The following GCN1 variants were observed in gnomAD, a reference collection of about 807,000 sequenced individuals.
GCN1 encodes GCN1 activator of EIF2AK4.
A neutral mutation model predicts 288.4 loss-of-function variants in GCN1; 90 were observed. The ratio of observed to expected loss-of-function variants is 0.31; its 90% CI spans 0.26 to 0.37. GCN1 has a LOEUF of 0.37. Ranked by LOEUF, GCN1 falls within the 10% of genes least tolerant of loss-of-function variation. The pLI is 1.00. For missense variants in GCN1, 2,586 were observed against 3,419.9 expected, an observed-to-expected ratio of 0.76 and a Z score of 6.08; for synonymous variants, 1,386 against 1,420.2, an observed-to-expected ratio of 0.98 and a Z score of 0.54.
In GCN1 at chr12:120,165,206, T is replaced by G. The variant is rs141773677; in HGVS notation, c.1613-485A>C. ...GGACGACAGGCACCCGCTAATTTTT[T>G]TATATTTTTTAGTAGAGACTGGGTT... On this transcript the variant is annotated intron_variant, in intron 16 of 57. Transcript: ENST00000300648. Among the ~76,000 whole-genome samples, 1,309 of 151,482 alleles carry G rather than the reference T, an allele frequency of 8.6e-3. 14 individuals are homozygous for G. Among genetic ancestry groups the G allele is most frequent in the African/African-American group, 0.03 (1,231 of 41,300 alleles).
Position 120,145,050 on chromosome 12 carries a change from T to C in GCN1, c.5028A>G (p.Val1676=), listed in dbSNP as rs1877320334. ...LLDPVPEVRT[V]SAKALGAMVK... ...CCATGGCCCCAAGGGCCTTTGCAGA[T>C]ACGGTCCGCACCTGTCAGGTAACCG... The change falls in exon 40 of 58, where the codon GTA becomes GTG. Residue 1676 remains valine, a synonymous_variant. Coordinates refer to ENST00000300648, the MANE Select transcript of GCN1 (RefSeq NM_006836.2). 6.2e-7 allele frequency: 1 copy of C among 1,613,988 alleles called. No individual in the cohort carries two copies. Among genetic ancestry groups the C allele is most frequent in the African/African-American group, 1.3e-5 (1 of 75,062 alleles).
At position 120,134,307 on chromosome 12, in the gene GCN1, A is replaced by C. The variant is rs370910278; in HGVS notation, c.7301T>G (p.Met2434Arg). The C allele has an allele frequency of 6.2e-7, 1 of 1,613,138 alleles. No individual in the cohort carries two copies. Among genetic ancestry groups the C allele is most frequent in the East Asian group, 2.2e-5 (1 of 44,890 alleles). ...RKNIVSLLLS[M>R]LGHDEDNTRI... Reference sequence around the variant, plus strand: ...CAGCCGTACCTCATCGTGTCCCAGCATGCTCAGCAGGAGTGAGACGATGTT... The same window carrying C: ...CAGCCGTACCTCATCGTGTCCCAGCCTGCTCAGCAGGAGTGAGACGATGTT... Residue 2434 changes from methionine (M) to arginine (R), a missense_variant, in exon 53 of 58, where the codon ATG (methionine) becomes AGG (arginine). Met to Arg is a moderately conservative substitution (Grantham distance 91). This residue lies in a region of GCN1 where 355 missense variants were observed against 431.1 expected (regional missense o/e 0.82). Coordinates refer to ENST00000300648, the MANE Select transcript of GCN1 (RefSeq NM_006836.2). This position sits in a 1 kb window ranked among gnomAD's most constrained non-coding sequence, Gnocchi z 5.0.
intron 5 of GCN1, among the ~76,000 whole-genome samples, chr12:120,182,529 C>G (rs1452568399): frequency 6.6e-6 from 1 of 152,182 alleles, no homozygotes; most frequent in African/African-American, 2.4e-5. Context: ...TCAACGAAAC[C>G]TGGCTTTGCG....
rs763825699 is a variant in GCN1 at position 120,137,695 on chromosome 12, A to C, written c.6513T>G (p.Ala2171=). ...RSPEVGMRQA[A]AIILNIYCSR... ...AACAGTAGATGTTGAGGATGATGGCAGCAGCTTGCCTCATGCCCACCTCAG... is the reference window on the plus strand; with the variant it reads ...AACAGTAGATGTTGAGGATGATGGCCGCAGCTTGCCTCATGCCCACCTCAG... Residue 2171 remains alanine (A), a synonymous_variant, in exon 49 of 58, where the codon GCT becomes GCG. Coordinates refer to ENST00000300648, the MANE Select transcript of GCN1 (RefSeq NM_006836.2). The surrounding 1 kb of genome is among the most constrained non-coding windows in gnomAD (Gnocchi z 5.2). 6.2e-7 allele frequency: 1 copy of C among 1,614,170 alleles called. No individual in the cohort carries two copies. The highest frequency in any genetic ancestry group is 8.5e-7 in the Non-Finnish European group (1 of 1,180,034).
rs373243403 is a variant in GCN1 at position 120,137,882 on chromosome 12, G to A, written c.6393+19C>T. ...GGGCAGACGGGACATGAGAAAGCAGGAGCAGGCTCGCCCCTTACCAGCTGC... is the reference window on the plus strand; with the variant it reads ...GGGCAGACGGGACATGAGAAAGCAGAAGCAGGCTCGCCCCTTACCAGCTGC... On this transcript the variant is annotated intron_variant, in intron 48 of 57. Transcript: ENST00000300648. This position sits in a 1 kb window ranked among gnomAD's most constrained non-coding sequence, Gnocchi z 5.2. 69 of 1,613,698 alleles carry A rather than the reference G, an allele frequency of 4.3e-5. No homozygotes were observed. Among genetic ancestry groups the A allele is most frequent in the Non-Finnish European group, 5.8e-5 (68 of 1,179,628 alleles).
At chr12:120,188,504 C>G in intron 2 of GCN1, among the ~76,000 whole-genome samples, 1 of 150,780 alleles carries the variant, frequency 6.6e-6, no homozygotes, top group East Asian at 2.0e-4. Context: ...TGGCCAATCA[C>G]CTACTACCAT....
Position 120,144,554 on chromosome 12 carries a change from C to T in GCN1, c.5352+85G>A. On this transcript the variant is annotated intron_variant, in intron 41 of 57. Transcript: ENST00000300648. This position sits in a 1 kb window ranked among gnomAD's most constrained non-coding sequence, Gnocchi z 4.7. ...GAGGGCTCTGCCAACCAACCCCAGCCAGCAGGGATCTCTAGCTCTCCAGGT... is the reference window on the plus strand; with the variant it reads ...GAGGGCTCTGCCAACCAACCCCAGCTAGCAGGGATCTCTAGCTCTCCAGGT... The T allele has an allele frequency of 6.4e-7, 1 of 1,551,650 alleles. No individual in the cohort carries two copies. Among genetic ancestry groups the T allele is most frequent in the Non-Finnish European group, 8.8e-7 (1 of 1,134,628 alleles).
Position 120,155,198 on chromosome 12 carries a change from C to T in GCN1, c.3630+43G>A. The T allele has an allele frequency of 6.3e-7, 1 of 1,593,422 alleles. No individual in the cohort carries two copies. Among genetic ancestry groups the T allele is most frequent in the Non-Finnish European group, 8.6e-7 (1 of 1,161,380 alleles). ...GCGGGGTGAGCAGAGACCCACCCAACCGCACACACCCAGACTGCATCAGGG... is the reference window on the plus strand; with the variant it reads ...GCGGGGTGAGCAGAGACCCACCCAATCGCACACACCCAGACTGCATCAGGG... On this transcript the variant is annotated intron_variant, in intron 30 of 57. Transcript: ENST00000300648. The surrounding 1 kb of genome is among the most constrained non-coding windows in gnomAD (Gnocchi z 4.9).
At chr12:120,141,102 C>T (rs1877176703) in intron 44 of GCN1, 79 bp from the exon 45 acceptor site, 1 of 1,182,198 alleles carries the variant, frequency 8.5e-7, no homozygotes, top group Admixed American at 2.0e-5. Context: ...GAATGAGGGC[C>T]CTGAAACCTC....
intron 33 of GCN1, 46 bp from the exon 34 acceptor site, chr12:120,151,437 T>C: frequency 1.2e-6 from 2 of 1,604,130 alleles, no homozygotes; most frequent in South Asian, 1.1e-5. Context: ...GCTGCAGCCG[T>C]TTCATGGTTG....
Position 120,138,744 on chromosome 12 carries a change from A to G in GCN1, c.6107T>C (p.Ile2036Thr). 6.2e-7 allele frequency: 1 copy of G among 1,614,186 alleles called. No individual in the cohort carries two copies. Among genetic ancestry groups the G allele is most frequent in the Non-Finnish European group, 8.5e-7 (1 of 1,180,004 alleles). Residue 2036 changes from isoleucine (I) to threonine (T), a missense_variant, in exon 46 of 58, where the codon ATC becomes ACC. Ile to Thr is a moderately conservative substitution (Grantham distance 89, BLOSUM62 -1). Transcript: ENST00000300648. ...AKTFEQLHST[I>T]GHQALEDILP... ...AATGTCCTCCAGAGCCTGGTGGCCG[A>G]TGGTGGAATGCAGCTGCTCGAAAGT... is the stretch of plus-strand genomic sequence containing the variant.
rs1877973811 is a variant in GCN1 at position 120,162,863 on chromosome 12, T to C, written c.2147A>G (p.Gln716Arg). ...LDQIIPRMTT[Q>R]SPLNQSSMNA... ...GCCCGTCACCTGGTTTAGGGGACTC[T>C]GTGTGGTCATCCTGGGAATGATCTG... is the stretch of plus-strand genomic sequence containing the variant. The change falls in exon 20 of 58, where the codon CAG (glutamine) becomes CGG (arginine). Residue 716 changes from glutamine to arginine, a missense_variant. Gln to Arg is a conservative substitution (Grantham distance 43, BLOSUM62 1). Around this residue, in one of 8 missense-constraint regions of GCN1, gnomAD observed 913 missense variants for 1,107.0 expected, o/e 0.82. Transcript: ENST00000300648. 6.2e-7 allele frequency: 1 copy of C among 1,613,962 alleles called. No homozygotes were observed. Among genetic ancestry groups the C allele is most frequent in the African/African-American group, 1.3e-5 (1 of 74,924 alleles).
At position 120,145,321 on chromosome 12, in the gene GCN1, G is replaced by A; in HGVS notation, c.4957C>T (p.Pro1653Ser). The change falls in exon 39 of 58, where the codon CCG (proline) becomes TCG (serine). Residue 1653 changes from proline (P) to serine (S), a missense_variant. Pro to Ser is a moderately conservative substitution (Grantham distance 74, BLOSUM62 -1). Coordinates refer to ENST00000300648, the MANE Select transcript of GCN1 (RefSeq NM_006836.2). The stretch of plus-strand genomic sequence containing the variant: ...CCAGGCGTCACGCTGGGCAGGTACG[G>A]AGCCAAGTCCTGCAACAACACAGGA... Reference protein sequence around the residue: ...YSLTDQKDLAPYLPSVTPGLK... With the variant: ...YSLTDQKDLASYLPSVTPGLK... 1 of 1,587,946 alleles carries A rather than the reference G, an allele frequency of 6.3e-7. No homozygotes were observed. Among genetic ancestry groups the A allele is most frequent in the Non-Finnish European group, 8.6e-7 (1 of 1,167,298 alleles).
At chr12:120,188,371 T>C (rs59654147) in intron 2 of GCN1, among the ~76,000 whole-genome samples, 260 of 148,074 alleles carry the variant, frequency 1.8e-3, no homozygotes, top group African/African-American at 6.3e-3. Context: ...GAGGCGGAGG[T>C]TGCAGTGAGC....
At chr12:120,143,610 C>A (rs1877268744) in intron 42 of GCN1, among the ~76,000 whole-genome samples, 1 of 150,608 alleles carries the variant, frequency 6.6e-6, no homozygotes, top group Non-Finnish European at 1.5e-5. Context: ...AAAAAGACCA[C>A]TGTATGAATG....
In GCN1 at chr12:120,154,959, AATTGT is replaced by A; in HGVS notation, c.3701+6_3701+10del. The A allele has an allele frequency of 6.2e-7, 1 of 1,609,338 alleles. No homozygotes were observed. Among genetic ancestry groups the A allele is most frequent in the Non-Finnish European group, 8.5e-7 (1 of 1,175,568 alleles). The stretch of plus-strand genomic sequence containing the variant: ...AGCTTGGAGTAGAACGAGGCTGAAC[AATTGT>A]TATACCTGGCTTCCCACTGATCTGG... On this transcript the variant is annotated splice_donor_region_variant and intron_variant, in intron 31 of 57. Transcript: ENST00000300648.
Position 120,144,284 on chromosome 12 carries a change from G to T in GCN1, c.5495+22C>A, listed in dbSNP as rs759720981. On this transcript the variant is annotated intron_variant, in intron 42 of 57. Coordinates refer to ENST00000300648, the MANE Select transcript of GCN1 (RefSeq NM_006836.2). The surrounding 1 kb of genome is among the most constrained non-coding windows in gnomAD (Gnocchi z 4.7). ...AGCCACCACGCATCATCCCCACTGG[G>T]TCTTTCTGCCCAAGTTCTCACCTGA... is the stretch of plus-strand genomic sequence containing the variant. 5 of 1,613,916 alleles carry T rather than the reference G, an allele frequency of 3.1e-6. No homozygotes were observed. The highest frequency in any genetic ancestry group is 4.2e-6 in the Non-Finnish European group (5 of 1,179,752).
chr12:120,129,293 C>G lies in GCN1; in HGVS notation c.7873G>C (p.Gly2625Arg). The G allele has an allele frequency of 6.2e-7, 1 of 1,613,854 alleles. No homozygotes were observed. Among genetic ancestry groups the G allele is most frequent in the Non-Finnish European group, 8.5e-7 (1 of 1,179,792 alleles). Residue 2625 changes from glycine (G) to arginine (R), a missense_variant, in exon 57 of 58, where the codon GGT (glycine) becomes CGT (arginine). By Grantham distance (125) the Gly-to-Arg change is moderately radical (BLOSUM62 -2). This residue lies in a region of GCN1 where 355 missense variants were observed against 431.1 expected (regional missense o/e 0.82). Transcript: ENST00000300648. ...AIVNLLKMRQ[G>R]EEVFQSLSKI... is the part of the protein sequence containing the mutation. ...GCTCCCACCTGAAACACCTCTTCACCCTGCCGCATCTTGAGGAGGTTGACA... is the reference window on the plus strand; with the variant it reads ...GCTCCCACCTGAAACACCTCTTCACGCTGCCGCATCTTGAGGAGGTTGACA...
chr12:120,188,349 A>G (rs1878887089), intron 2 of GCN1, among the ~76,000 whole-genome samples: 1 of 149,294 alleles, frequency 6.7e-6, no homozygotes. Flanking sequence ...CAGGAGAATC[A>G]CTTGAACCCG....
Sources: allele counts gnomAD v4.1 joint callset (sites outside exome capture counted in the v4.1 genomes callset), GRCh38; gene constraint gnomAD v4.1.1; regional missense constraint gnomAD v4.1.1; non-coding constraint Gnocchi (gnomAD v3.1); transcripts MANE v1.5; gene names NCBI Gene and HGNC (gene_info 2026-07-23, HGNC 2026-07-21).